The following KRT8 variants were observed in gnomAD, a reference collection of about 807,000 sequenced individuals.
KRT8 encodes the protein keratin 8.
A neutral mutation model predicts 43.0 loss-of-function variants in KRT8; 24 were observed. The ratio of observed to expected loss-of-function variants is 0.56; its 90% confidence interval spans 0.40 to 0.78. The LOEUF (loss-of-function observed/expected upper bound fraction) is 0.78. Among genes scored for constraint, KRT8 ranks in the 30% least tolerant of loss-of-function variants. KRT8 has a pLI of 0.00. For synonymous variants in KRT8, 214 were observed against 261.2 expected, an observed-to-expected ratio of 0.82 and a Z score of 1.74; for missense variants, 492 against 638.4, an observed-to-expected ratio of 0.77 and a Z score of 2.47.
At chr12:52,928,250 G>A (rs1327119868) in intron 2 of KRT8, among the ~76,000 whole-genome samples, 1 of 152,068 alleles carries the variant, frequency 6.6e-6, no homozygotes, top group Non-Finnish European at 1.5e-5. Context: ...TCTCCTCTGA[G>A]AGCCCAAAGC....
exon 1 of KRT8, chr12:52,904,989 G>A (rs2120584961): frequency 6.2e-7 from 1 of 1,603,714 alleles, no homozygotes; most frequent in South Asian, 1.1e-5. Flanking sequence ...CATGGTAGAG[G>A]CAGGAGTGGA....
intron 2 of KRT8, among the ~76,000 whole-genome samples, chr12:52,921,725 G>A (rs1047313579): frequency 5.3e-5 from 8 of 152,028 alleles, no homozygotes; most frequent in African/African-American, 1.2e-4. Context: ...AGCTGTGGCC[G>A]GATCTCCCAG....
rs753946522 is a variant in KRT8, at chr12:52,899,783, T to A, written c.973A>T (p.Lys325Ter). The A allele has an allele frequency of 3.7e-6, 6 of 1,611,798 alleles. No homozygotes were observed. The highest frequency in any genetic ancestry group is 5.1e-6 in the Non-Finnish European group (6 of 1,179,800). Reference sequence around the variant, plus strand: ...CCCAACCCGGCCCATACCTGGCCTTTGAGGCCCTCAATCTCAGCCTGGAGC... The same window carrying A: ...CCCAACCCGGCCCATACCTGGCCTTAGAGGCCCTCAATCTCAGCCTGGAGC... Residue 325 changes from lysine to a stop codon, truncating the protein, a stop_gained, in exon 5 of 8, where the codon AAA becomes TAA. Coordinates refer to ENST00000692008, the Ensembl canonical transcript of KRT8. LOFTEE classifies it high-confidence loss of function.
rs1303817925 is a variant in KRT8 at position 52,918,193 on chromosome 12, GAAGAAGAAGAAC to G, written c.-46-13178_-46-13167del. Among the ~76,000 whole-genome samples the G allele has an allele frequency of 9.9e-3, 1,245 of 125,828 alleles. 154 individuals are homozygous for G. The highest frequency in any genetic ancestry group is 0.017 in the East Asian group (69 of 4,062). The allele number at this position is 125,828 out of a possible 152,430, so 82.5% of individuals were successfully genotyped here. A position where few individuals can be genotyped will look rare whatever the true frequency, so the allele number is the denominator to read the frequency against. ...AGAAGAGGAAGAGGAAGAAGAAGAAGAAGAAGAAGAACAAGAAGAAGAAGAAGAAGAAGAAGA... is the reference window on the plus strand; with the variant it reads ...AGAAGAGGAAGAGGAAGAAGAAGAAGAAGAAGAAGAAGAAGAAGAAGAAGA... On this transcript the variant is annotated intron_variant, in intron 2 of 6. Coordinates refer to the KRT8 transcript ENST00000546826.
chr12:52,931,276 C>T (rs1942078469), intron 2 of KRT8, among the ~76,000 whole-genome samples: 1 of 152,028 alleles, frequency 6.6e-6, no homozygotes, highest in Middle Eastern at 3.4e-3. Context: ...ACTGTGTTAG[C>T]CAGGATGGTC....
intron 2 of KRT8, among the ~76,000 whole-genome samples, chr12:52,915,837 A>G (rs1173927661): frequency 6.6e-6 from 1 of 152,268 alleles, no homozygotes; most frequent in Non-Finnish European, 1.5e-5. Flanking sequence ...GAAGCCAGGT[A>G]TAAAGATATC....
intron 2 of KRT8, among the ~76,000 whole-genome samples, chr12:52,924,236 C>G (rs1941945540): frequency 6.6e-6 from 1 of 152,096 alleles, no homozygotes; most frequent in African/African-American, 2.4e-5. Flanking sequence ...ATCACAAGGT[C>G]AGGAAATCGA....
In KRT8 at chr12:52,899,854, C is replaced by T. The variant is rs1023045569; in HGVS notation, c.902G>A (p.Arg301Gln). 10 of 1,612,236 alleles carry T rather than the reference C, an allele frequency of 6.2e-6. No homozygotes were observed. In the African/African-American group the frequency reaches 8.0e-5, roughly 13 times the overall value. Residue 301 changes from arginine to glutamine, a missense_variant, in exon 5 of 8, where the codon CGG becomes CAG. Physicochemically the swap from Arg to Gln is conservative, Grantham distance 43. Around this residue, in one of 3 missense-constraint regions of KRT8, gnomAD observed 389 missense variants for 485.7 expected, o/e 0.80. Transcript: ENST00000692008. ...CTCAGAGATCTCAGTCTTTGTGCGCCGCAGGTCATCCCCGTGCTTCCCAGC... is the reference window on the plus strand; with the variant it reads ...CTCAGAGATCTCAGTCTTTGTGCGCTGCAGGTCATCCCCGTGCTTCCCAGC...
chr12:52,926,335 C>CCCCCCCCCCCCCCCCCCCCCCCG, intron 2 of KRT8: 2 of 703,244 alleles, frequency 2.8e-6, no homozygotes, highest in East Asian at 5.9e-5. Flanking sequence ...ACTAGCTGCC[C>CCCCCCCCCCCCCCCCCCCCCCCG]TCCCCACCCC....
At chr12:52,899,033 G>A (rs923221790) in intron 5 of KRT8, 134 bp from the exon 6 acceptor site, 13 of 797,732 alleles carry the variant, frequency 1.6e-5, no homozygotes, top group African/African-American at 3.4e-5. Flanking sequence ...TGAGACTAAG[G>A]GCCGGGCACA....
At chr12:52,931,778 T>C (rs7298485) in intron 2 of KRT8, among the ~76,000 whole-genome samples, 51,929 of 151,752 alleles carry the variant, frequency 0.34, 9,283 homozygotes, top group Middle Eastern at 0.42. Context: ...TTCTCCTGCC[T>C]CAGCCTCCTG....
chr12:52,910,246 T>C (rs4366564), upstream of KRT8, among the ~76,000 whole-genome samples: 3,521 of 152,288 alleles, frequency 0.023, 72 homozygotes, highest in Admixed American at 0.052. Flanking sequence ...TGGGAGATTA[T>C]AACAGTATAC....
At chr12:52,923,526 TCTC>T (rs1214412855) in intron 2 of KRT8, among the ~76,000 whole-genome samples, 1 of 152,134 alleles carries the variant, frequency 6.6e-6, no homozygotes, top group African/African-American at 2.4e-5. Flanking sequence ...TTCACGCCAT[TCTC>T]CTGCCTCAGC....
intron 2 of KRT8, among the ~76,000 whole-genome samples, chr12:52,926,838 C>T (rs541886794): frequency 2.0e-5 from 3 of 152,190 alleles, no homozygotes; most frequent in South Asian, 4.2e-4. Context: ...GTCCAGGGCC[C>T]GCACATCAGC....
At chr12:52,906,483 A>G, upstream of KRT8, 1 of 342,726 alleles carries the variant, frequency 2.9e-6, no homozygotes, top group Non-Finnish European at 5.8e-6. Context: ...CCCATTATCA[A>G]AGTGAGTCAG....
At chr12:52,899,247 G>A (rs138291644) in intron 5 of KRT8, among the ~76,000 whole-genome samples, 2,516 of 152,194 alleles carry the variant, frequency 0.017, 71 homozygotes, top group African/African-American at 0.058. Context: ...CCCAGGAGGC[G>A]GAGCTTGCAG....
At chr12:52,944,404 T>C (rs1008145388) in intron 2 of KRT8, among the ~76,000 whole-genome samples, 1 of 152,170 alleles carries the variant, frequency 6.6e-6, no homozygotes, top group African/African-American at 2.4e-5. Context: ...TCCAGGTCTT[T>C]TGACACCAAG....
At chr12:52,926,460 T>G (rs1196569190) in intron 2 of KRT8, 3 of 1,530,876 alleles carry the variant, frequency 2.0e-6, no homozygotes, top group Non-Finnish European at 1.7e-6. Flanking sequence ...TCCGCAAACA[T>G]TTGCTGAATG....
rs1382803725 is a variant in KRT8, at chr12:52,949,053, A to T, written c.-47+403T>A. The T allele has an allele frequency of 5.2e-6, 5 of 955,506 alleles. No homozygotes were observed. The African/African-American group carries it at 6.7e-5, about 13-fold the overall frequency. The allele number at this position is 955,506 out of a possible 1,614,324, so 59.2% of individuals were successfully genotyped here. A position where few individuals can be genotyped will look rare whatever the true frequency, so the allele number is the denominator to read the frequency against. ...GTCCACCTGTGGCTCCGGCTTCCGA[A>T]GCGGCTCCGGGGCGGGGGCGGGGCC... On this transcript the variant is annotated intron_variant, in intron 2 of 6. Transcript: ENST00000546826.
Sources: gnomAD v4.1 joint callset for allele counts (sites outside exome capture counted in the v4.1 genomes callset) on GRCh38, gnomAD v4.1.1 for gene constraint, gnomAD v4.1.1 regional missense constraint, MANE v1.5 for transcripts, NCBI Gene and HGNC (gene_info 2026-07-23, HGNC 2026-07-21) for gene names.